ZC3H14: variants seen among roughly 807,000 people sequenced by gnomAD.
ZC3H14 encodes the protein zinc finger CCCH-type containing 14, also known as zinc finger CCCH domain-containing protein 14.
A neutral mutation model predicts 92.4 loss-of-function variants in ZC3H14; 31 were observed. The ratio of observed to expected loss-of-function variants is 0.34; its 90% CI spans 0.25 to 0.45. The LOEUF is 0.45. ZC3H14 is among the 20% of genes least tolerant of loss of function. The probability of loss-of-function intolerance (pLI) is 1.00; values close to 1 mark genes in which losing one functional copy is unlikely to be tolerated. For synonymous variants in ZC3H14, 321 were observed against 300.9 expected (o/e 1.07, Z -0.69); for missense variants, 781 against 897.3 (o/e 0.87, Z 1.66).
rs1388771759 is a variant in ZC3H14 at position 88,618,781 on chromosome 14, C to T, written c.*7030C>T. On this transcript the variant is annotated 3_prime_UTR_variant, in exon 17 of 17. Transcript: ENST00000251038. ...AAATCCACTGAGTTCTCACTAGAAC[C>T]TACTGCCAGATACCGGGAATCCGGA... 6.3e-7 allele frequency: 1 copy of T among 1,597,462 alleles called. No homozygotes were observed. The highest frequency in any genetic ancestry group is 8.5e-7 in the Non-Finnish European group (1 of 1,170,820).
At chr14:88,566,028 G>GCC (rs1161358992) in intron 2 of ZC3H14, among the ~76,000 whole-genome samples, 19 of 2,706 alleles carry the variant, frequency 7.0e-3, no homozygotes, top group South Asian at 0.019. Context: ...CCACCACCCC[G>GCC]CCCCCCCCCC....
Position 88,618,613 on chromosome 14 carries a change from G to C in ZC3H14, c.*6862G>C. On this transcript the variant is annotated 3_prime_UTR_variant, in exon 17 of 17. Transcript: ENST00000251038. ...ACTAACACGAAATGTAAAAGCAGAA[G>C]AACTTGCCACCTGGGTATACAGTAT... The C allele has an allele frequency of 6.3e-7, 1 of 1,578,950 alleles. No homozygotes were observed. Among genetic ancestry groups the C allele is most frequent in the South Asian group, 1.2e-5 (1 of 84,648 alleles).
intron 6 of ZC3H14, 46 bp downstream of exon 6, chr14:88,573,053 T>A (rs1443364701): frequency 6.3e-7 from 1 of 1,595,874 alleles, no homozygotes; most frequent in African/African-American, 1.3e-5. Context: ...AAATCGGCAG[T>A]TCTTGATACC....
At chr14:88,593,382 T>C (rs988216434) in intron 9 of ZC3H14, among the ~76,000 whole-genome samples, 2 of 152,180 alleles carry the variant, frequency 1.3e-5, no homozygotes, top group African/African-American at 4.8e-5. Context: ...AGGCTGATCC[T>C]AAAATTCATA....
rs117076255 is a variant in ZC3H14 at position 88,587,351 on chromosome 14, A to T, written c.1279+9211A>T. ...GAATTTTTAATAAAATTTTTAGTAGAGACAGGGTCTCACCATCATGCCCAG... is the reference window on the plus strand; with the variant it reads ...GAATTTTTAATAAAATTTTTAGTAGTGACAGGGTCTCACCATCATGCCCAG... On this transcript the variant is annotated intron_variant, in intron 9 of 16. Coordinates refer to ENST00000251038, the MANE Select transcript of ZC3H14 (RefSeq NM_024824.5). Among the ~76,000 whole-genome samples the T allele has an allele frequency of 9.9e-4, 150 of 152,092 alleles. 5 individuals are homozygous for T. In the East Asian group the frequency reaches 0.028, roughly 28 times the overall value.
At chr14:88,566,280 C>A (rs1046712087) in intron 2 of ZC3H14, among the ~76,000 whole-genome samples, 10 of 151,764 alleles carry the variant, frequency 6.6e-5, no homozygotes, top group Admixed American at 2.6e-4. Context: ...TTAATAAATA[C>A]TTTTTAATTA....
rs1406273979 is a variant in ZC3H14 at position 88,615,972 on chromosome 14, C to T, written c.*4221C>T. Reference sequence around the variant, plus strand: ...GTGTAATATTTTTCCTCTTTAACTCCTTTTATTCTGTATTTGCATAAATAT... The same window carrying T: ...GTGTAATATTTTTCCTCTTTAACTCTTTTTATTCTGTATTTGCATAAATAT... On this transcript the variant is annotated 3_prime_UTR_variant, in exon 17 of 17. Transcript: ENST00000251038. 4.6e-6 allele frequency: 6 copies of T among 1,306,522 alleles called. No individual in the cohort carries two copies. The East Asian group carries it at 1.2e-4, about 27-fold the overall frequency. The allele number at this position is 1,306,522 out of a possible 1,614,324, so 80.9% of individuals were successfully genotyped here. A position where few individuals can be genotyped will look rare whatever the true frequency, so the allele number is the denominator to read the frequency against.
chr14:88,576,599 C>T (rs1040701692), intron 8 of ZC3H14, among the ~76,000 whole-genome samples: 1 of 152,214 alleles, frequency 6.6e-6, no homozygotes, highest in Non-Finnish European at 1.5e-5. Flanking sequence ...TCTGTACTCT[C>T]TGGCCGACCT....
intron 9 of ZC3H14, among the ~76,000 whole-genome samples, chr14:88,593,407 G>T (rs1212857357): frequency 1.3e-5 from 2 of 152,124 alleles, no homozygotes; most frequent in Non-Finnish European, 2.9e-5. Flanking sequence ...AATAAAAAGG[G>T]ACTGAGAATA....
intron 12 of ZC3H14, among the ~76,000 whole-genome samples, chr14:88,604,026 A>C (rs988951570): frequency 4.6e-5 from 7 of 152,200 alleles, no homozygotes; most frequent in Admixed American, 4.6e-4. Flanking sequence ...AACAGGAAGA[A>C]AAACTTAAAA....
chr14:88,573,696 A>G lies in ZC3H14; in HGVS notation c.861+689A>G, dbSNP rs1245177381. On this transcript the variant is annotated intron_variant, in intron 6 of 16. Coordinates refer to ENST00000251038, the MANE Select transcript of ZC3H14 (RefSeq NM_024824.5). ...CCCACCTTGATCTTGGCTCACTGCA[A>G]CCTGTGCTTCCCAGGTTCAAGTGAT... 6.6e-5 allele frequency: 10 copies of G among 152,204 alleles called. No individual in the cohort carries two copies. In the East Asian group the frequency reaches 1.2e-3, roughly 18 times the overall value. The allele number at this position is 152,204 out of a possible 1,614,324, so 9.4% of individuals were successfully genotyped here. A position where few individuals can be genotyped will look rare whatever the true frequency, so the allele number is the denominator to read the frequency against.
chr14:88,603,203 C>T lies in ZC3H14; in HGVS notation c.1747+143C>T, dbSNP rs960210363. On this transcript the variant is annotated intron_variant, in intron 12 of 16. Transcript: ENST00000251038. Reference sequence around the variant, plus strand: ...GCCTTTTTTCTTCTTTCAGACAAACCCACCAAGTACATTTCAGACTCTTTT... The same window carrying T: ...GCCTTTTTTCTTCTTTCAGACAAACTCACCAAGTACATTTCAGACTCTTTT... 5 of 821,158 alleles carry T rather than the reference C, an allele frequency of 6.1e-6. No individual in the cohort carries two copies. In the African/African-American group the frequency reaches 6.8e-5, roughly 11 times the overall value. The allele number at this position is 821,158 out of a possible 1,614,324, so 50.9% of individuals were successfully genotyped here.
intron 2 of ZC3H14, among the ~76,000 whole-genome samples, chr14:88,565,491 A>G (rs2079445672): frequency 6.6e-6 from 1 of 152,230 alleles, no homozygotes; most frequent in Non-Finnish European, 1.5e-5. Flanking sequence ...ATAATGAAAT[A>G]TATCAACGTG....
In ZC3H14 at chr14:88,572,575, T is replaced by C. The variant is rs77755006; in HGVS notation, c.432-3T>C. On this transcript the variant is annotated splice_region_variant and splice_polypyrimidine_tract_variant and intron_variant, in intron 5 of 16. Transcript: ENST00000251038. ...TAATACATTTTGTTGTTCTTTTAAA[T>C]AGACAGACTTACGATGATGGAGCTG... The C allele has an allele frequency of 2.4e-3, 3,917 of 1,614,118 alleles. 83 individuals are homozygous for C. In the African/African-American group the frequency reaches 0.043, roughly 18 times the overall value.
In ZC3H14 at chr14:88,607,201, A is replaced by C. The variant is rs774373372; in HGVS notation, c.1748-42A>C. On this transcript the variant is annotated intron_variant, in intron 12 of 16. Transcript: ENST00000251038. ...GTTAAAGGTGCTGTGTACTGAATTG[A>C]TCATAATGAATGAAATACTTTTATT... 1.9e-6 allele frequency: 3 copies of C among 1,613,812 alleles called. No homozygotes were observed. The South Asian group carries it at 3.3e-5, about 18-fold the overall frequency.
intron 9 of ZC3H14, among the ~76,000 whole-genome samples, chr14:88,588,726 CT>C (rs1414344976): frequency 3.9e-5 from 6 of 152,018 alleles, no homozygotes; most frequent in Non-Finnish European, 7.4e-5. Context: ...TTTCATTGTT[CT>C]CTGGTGGAAA....
At chr14:88,566,129 C>T (rs976715857) in intron 2 of ZC3H14, among the ~76,000 whole-genome samples, 3 of 149,118 alleles carry the variant, frequency 2.0e-5, no homozygotes, top group South Asian at 2.1e-4. Flanking sequence ...ATCCACTTGT[C>T]TCAGCCTCCC....
At position 88,613,221 on chromosome 14, in the gene ZC3H14, A is replaced by G. The variant is rs2087089776; in HGVS notation, c.*1470A>G. 6.6e-6 allele frequency: 1 copy of G among 152,192 alleles called. No individual in the cohort carries two copies. Among genetic ancestry groups the G allele is most frequent in the Admixed American group, 6.5e-5 (1 of 15,286 alleles). The allele number at this position is 152,192 out of a possible 1,614,324, so 9.4% of individuals were successfully genotyped here. ...GAGAAGCAGCAAAGACAGAGCACAC[A>G]AGTGCATAAGGCTGTTGTCTTCGGC... is the stretch of plus-strand genomic sequence containing the variant. On this transcript the variant is annotated 3_prime_UTR_variant, in exon 17 of 17. Transcript: ENST00000251038.
In ZC3H14 at chr14:88,620,513, A is replaced by G; in HGVS notation, c.*8762A>G. On this transcript the variant is annotated 3_prime_UTR_variant, in exon 17 of 17. Coordinates refer to ENST00000251038, the MANE Select transcript of ZC3H14 (RefSeq NM_024824.5). This position sits in a 1 kb window ranked among gnomAD's most constrained non-coding sequence, Gnocchi z 4.3. Reference sequence around the variant, plus strand: ...ACTTAATGGACATGGCTAAGTGTTAACATGAATTCATCAAACATTACCTAC... The same window carrying G: ...ACTTAATGGACATGGCTAAGTGTTAGCATGAATTCATCAAACATTACCTAC... The G allele has an allele frequency of 2.8e-6, 1 of 353,688 alleles. No individual in the cohort carries two copies. The allele number at this position is 353,688 out of a possible 1,614,324, so 21.9% of individuals were successfully genotyped here.
Sources: allele counts gnomAD v4.1 joint callset (sites outside exome capture counted in the v4.1 genomes callset), GRCh38; gene constraint gnomAD v4.1.1; non-coding constraint Gnocchi (gnomAD v3.1); transcripts MANE v1.5; gene names NCBI Gene and HGNC (gene_info 2026-07-23, HGNC 2026-07-21).